SEMA6D: variants seen among roughly 807,000 people sequenced by gnomAD.
SEMA6D encodes semaphorin-6D.
In SEMA6D, 35 loss-of-function variants were observed where a neutral mutation model predicts 106.6. That is an observed-to-expected ratio of 0.33 (90% CI 0.25 to 0.44). The LOEUF (loss-of-function observed/expected upper bound fraction) is 0.44. SEMA6D is among the 20% of genes least tolerant of loss of function. SEMA6D has a pLI of 1.00. For missense variants in SEMA6D, 1,185 were observed against 1,345.9 expected, an observed-to-expected ratio of 0.88 and a Z score of 1.87; for synonymous variants, 499 against 487.7, an observed-to-expected ratio of 1.02 and a Z score of -0.31.
chr15:47,206,482 G>C (rs1895072613), intron 1 of SEMA6D, among the ~76,000 whole-genome samples: 1 of 152,126 alleles, frequency 6.6e-6, no homozygotes, highest in South Asian at 2.1e-4. Flanking sequence ...CCCTTAGGCA[G>C]AATGCTTTTC....
chr15:47,234,598 A>G (rs922494925), intron 1 of SEMA6D, among the ~76,000 whole-genome samples: 2 of 151,994 alleles, frequency 1.3e-5, no homozygotes, highest in African/African-American at 4.8e-5. Flanking sequence ...AACATATGGC[A>G]TTTGATTGTT....
At chr15:47,648,542 T>G (rs2077624719) in intron 4 of SEMA6D, among the ~76,000 whole-genome samples, 1 of 152,066 alleles carries the variant, frequency 6.6e-6, no homozygotes, top group Admixed American at 6.5e-5. Context: ...ACAAATGCAC[T>G]TAGGGAGCCC....
At chr15:47,285,843 C>T (rs1471578352) in intron 1 of SEMA6D, among the ~76,000 whole-genome samples, 6 of 152,216 alleles carry the variant, frequency 3.9e-5, no homozygotes, top group African/African-American at 2.4e-5. Context: ...CTTCATACTT[C>T]AGGTTATACT....
chr15:47,469,576 T>C (rs2042769485), intron 2 of SEMA6D, among the ~76,000 whole-genome samples: 1 of 152,114 alleles, frequency 6.6e-6, no homozygotes, highest in Admixed American at 6.6e-5. Flanking sequence ...CATTTAAACA[T>C]CCTCCAGATT....
chr15:47,247,845 T>C (rs933829332), intron 1 of SEMA6D, among the ~76,000 whole-genome samples: 1 of 152,208 alleles, frequency 6.6e-6, no homozygotes, highest in African/African-American at 2.4e-5. Context: ...AACTAGTTTT[T>C]AATAACCCAG....
chr15:47,191,693 G>A (rs1030730898), intron 1 of SEMA6D, among the ~76,000 whole-genome samples: 1 of 152,180 alleles, frequency 6.6e-6, no homozygotes, highest in East Asian at 1.9e-4. Context: ...TCAAATAAAT[G>A]TGTAGATGAA....
At chr15:47,472,664 A>G (rs571447721) in intron 3 of SEMA6D, among the ~76,000 whole-genome samples, 2 of 152,250 alleles carry the variant, frequency 1.3e-5, no homozygotes, top group African/African-American at 4.8e-5. Context: ...TATTAAAAAT[A>G]TCAAAAATAT....
intron 1 of SEMA6D, among the ~76,000 whole-genome samples, chr15:47,408,972 G>C (rs2040692066): frequency 6.6e-6 from 1 of 152,192 alleles, no homozygotes; most frequent in South Asian, 2.1e-4. Context: ...TTTGTTGCCA[G>C]TTGTACTTAC....
At chr15:47,523,112 C>A (rs1042307666) in intron 3 of SEMA6D, among the ~76,000 whole-genome samples, 16 of 152,178 alleles carry the variant, frequency 1.1e-4, no homozygotes, top group African/African-American at 3.9e-4. Flanking sequence ...GCTAACAGTG[C>A]CCTTCATTGG....
intron 4 of SEMA6D, among the ~76,000 whole-genome samples, chr15:47,668,060 A>G (rs369700854): frequency 4.7e-4 from 72 of 152,354 alleles, no homozygotes; most frequent in African/African-American, 1.7e-3. Flanking sequence ...AAATACAATT[A>G]GTTAAAATTT....
At chr15:47,709,802 G>T (rs2078980348) in intron 4 of SEMA6D, among the ~76,000 whole-genome samples, 1 of 151,534 alleles carries the variant, frequency 6.6e-6, no homozygotes, top group Non-Finnish European at 1.5e-5. Flanking sequence ...CCTTCTCTAG[G>T]CTGCACATTT....
intron 3 of SEMA6D, among the ~76,000 whole-genome samples, chr15:47,598,686 A>T (rs1441923927): frequency 6.6e-6 from 1 of 152,148 alleles, no homozygotes; most frequent in Admixed American, 6.5e-5. Flanking sequence ...GGGTTCTGTT[A>T]CTTAAACAGT....
At chr15:47,591,004 G>C (rs929511524) in intron 3 of SEMA6D, among the ~76,000 whole-genome samples, 1 of 152,104 alleles carries the variant, frequency 6.6e-6, no homozygotes, top group Non-Finnish European at 1.5e-5. Context: ...GTCCATTCCT[G>C]GTGCTATAAC....
intron 1 of SEMA6D, among the ~76,000 whole-genome samples, chr15:47,362,487 A>G (rs913334992): frequency 9.2e-5 from 14 of 152,130 alleles, no homozygotes; most frequent in Admixed American, 7.9e-4. Context: ...GGATGACTTT[A>G]AACTCTGGCC....
At chr15:47,606,130 G>A (rs1596422607) in intron 4 of SEMA6D, 3 of 152,016 alleles carry the variant, frequency 2.0e-5, no homozygotes, top group Admixed American at 6.6e-5. Flanking sequence ...AGAGACAGAG[G>A]GGTGGTGCAG....
intron 1 of SEMA6D, among the ~76,000 whole-genome samples, chr15:47,224,741 T>A (rs1375829185): frequency 6.6e-6 from 1 of 152,108 alleles, no homozygotes; most frequent in Admixed American, 6.6e-5. Context: ...GAACTGTAAG[T>A]AGAAGTCTGG....
At chr15:47,626,802 TATC>T (rs1371572452) in intron 4 of SEMA6D, among the ~76,000 whole-genome samples, 1 of 152,098 alleles carries the variant, frequency 6.6e-6, no homozygotes, top group Non-Finnish European at 1.5e-5. Flanking sequence ...AGCCTTGAAT[TATC>T]TACCAAAAAA....
chr15:47,445,188 A>G (rs1354663406), intron 2 of SEMA6D, among the ~76,000 whole-genome samples: 1 of 152,094 alleles, frequency 6.6e-6, no homozygotes, highest in Non-Finnish European at 1.5e-5. Flanking sequence ...TTTGTGGCTT[A>G]TATAGGTACA....
chr15:47,488,892 C>T (rs563438780), intron 3 of SEMA6D, among the ~76,000 whole-genome samples: 73 of 152,126 alleles, frequency 4.8e-4, no homozygotes, highest in African/African-American at 1.2e-3. Context: ...TACCCTAAAA[C>T]GGTGAAGAGT....
Sources: allele counts gnomAD v4.1 joint callset (sites outside exome capture counted in the v4.1 genomes callset), GRCh38; gene constraint gnomAD v4.1.1; transcripts MANE v1.5; gene names NCBI Gene and HGNC (gene_info 2026-07-23, HGNC 2026-07-21).